CLTC: variants seen among roughly 807,000 people sequenced by gnomAD.
CLTC encodes the protein clathrin heavy chain.
Under a neutral mutation model 195.8 loss-of-function variants are expected in CLTC, and 16 were observed. That is an observed-to-expected ratio of 0.08 (90% CI 0.06 to 0.12). The LOEUF is 0.12. Among genes scored for constraint, CLTC ranks in the 10% least tolerant of loss-of-function variants. The pLI is 1.00. For missense variants in CLTC, 796 were observed against 2,027.0 expected, an observed-to-expected ratio of 0.39 and a Z score of 11.66; for synonymous variants, 667 against 689.4, an observed-to-expected ratio of 0.97 and a Z score of 0.51.
intron 1 of CLTC, among the ~76,000 whole-genome samples, chr17:59,643,618 A>G (rs1567939689): frequency 6.6e-6 from 1 of 152,170 alleles, no homozygotes; most frequent in African/African-American, 2.4e-5. Flanking sequence ...ATAGTGTTAC[A>G]AAAGTACTTG....
chr17:59,668,660 A>G, intron 13 of CLTC, 117 bp from the exon 14 acceptor site: 1 of 829,726 alleles, frequency 1.2e-6, no homozygotes, highest in Non-Finnish European at 1.8e-6. Flanking sequence ...CGCGCTTTTT[A>G]AGCAACCAAC....
rs922513506 is a variant in CLTC at position 59,683,718 on chromosome 17, C to T, written c.4285C>T (p.Arg1429Trp). ...LNDLLMVLSP[R>W]LDHTRAVNYF... ...TGATTTGCTGATGGTGCTGTCTCCA[C>T]GGTTGGATCACACTCGTGCAGTCAA... The change falls in exon 27 of 32, where the codon CGG becomes TGG. Residue 1429 changes from arginine to tryptophan, a missense_variant. Around this residue, in one of 9 missense-constraint regions of CLTC, gnomAD observed 102 missense variants for 317.6 expected, o/e 0.32. Transcript: ENST00000269122. This position sits in a 1 kb window ranked among gnomAD's most constrained non-coding sequence, Gnocchi z 6.1. 1 of 1,614,142 alleles carries T rather than the reference C, an allele frequency of 6.2e-7. No individual in the cohort carries two copies. Among genetic ancestry groups the T allele is most frequent in the Non-Finnish European group, 8.5e-7 (1 of 1,180,024 alleles).
intron 14 of CLTC, 82 bp from the exon 15 acceptor site, chr17:59,673,565 T>C (rs373857051): frequency 2.8e-6 from 3 of 1,056,252 alleles, no homozygotes; most frequent in Admixed American, 2.0e-5. Flanking sequence ...CTTGTTAGCG[T>C]AGAACAAATT....
chr17:59,643,261 G>C (rs2032094947), intron 1 of CLTC, among the ~76,000 whole-genome samples: 2 of 151,676 alleles, frequency 1.3e-5, no homozygotes. Context: ...CCTCCATGTA[G>C]CTTCTTTTAG....
intron 9 of CLTC, chr17:59,664,570 AAAGAAAAG>A (rs1276802308): frequency 4.7e-5 from 20 of 424,112 alleles, no homozygotes; most frequent in Non-Finnish European, 6.1e-5. Flanking sequence ...AAAAAAAAGA[AAAGAAAAG>A]AAAAGAAAAT....
chr17:59,692,538 G>T (rs937097318), intron 31 of CLTC, among the ~76,000 whole-genome samples: 2 of 152,152 alleles, frequency 1.3e-5, no homozygotes, highest in Non-Finnish European at 2.9e-5. Flanking sequence ...TTCTGTATAT[G>T]GCCAACAACT....
At chr17:59,670,786 G>A (rs2032832612) in intron 14 of CLTC, among the ~76,000 whole-genome samples, 1 of 152,110 alleles carries the variant, frequency 6.6e-6, no homozygotes, top group South Asian at 2.1e-4. Context: ...GGATGGTACT[G>A]CCTTAGGTTT....
chr17:59,661,287 C>G (rs2032602939), intron 7 of CLTC, among the ~76,000 whole-genome samples, 156 bp from the exon 8 acceptor site: 1 of 151,946 alleles, frequency 6.6e-6, no homozygotes, highest in Admixed American at 6.6e-5. Flanking sequence ...AACTTCCTAA[C>G]TTGATGTTAA....
chr17:59,653,607 A>G (rs2032386293), intron 5 of CLTC, among the ~76,000 whole-genome samples: 1 of 151,828 alleles, frequency 6.6e-6, no homozygotes, highest in Non-Finnish European at 1.5e-5. Flanking sequence ...GCTGGAAGGC[A>G]GTGCTGTGAT....
At chr17:59,645,608 T>C (rs1488058871) in intron 2 of CLTC, among the ~76,000 whole-genome samples, 1 of 152,236 alleles carries the variant, frequency 6.6e-6, no homozygotes, top group African/African-American at 2.4e-5. Flanking sequence ...GATAAATTTG[T>C]GACTAAGTTA....
chr17:59,670,315 A>G (rs2032820499), intron 14 of CLTC, among the ~76,000 whole-genome samples: 1 of 150,906 alleles, frequency 6.6e-6, no homozygotes, highest in African/African-American at 2.4e-5. Context: ...TTTTAAGTTC[A>G]GGGGTGCGTG....
At chr17:59,677,906 A>C (rs1016279105) in intron 17 of CLTC, among the ~76,000 whole-genome samples, 13 of 152,194 alleles carry the variant, frequency 8.5e-5, no homozygotes, top group African/African-American at 3.1e-4. Context: ...GTATATTCAC[A>C]ATGTTATATA....
chr17:59,672,166 G>C (rs1304097188), intron 14 of CLTC, among the ~76,000 whole-genome samples: 3 of 152,106 alleles, frequency 2.0e-5, no homozygotes, highest in South Asian at 2.1e-4. Context: ...TAAACATTTA[G>C]TAAGTAATTT....
At chr17:59,677,320 A>T in intron 17 of CLTC, 132 bp downstream of exon 17, 1 of 652,226 alleles carries the variant, frequency 1.5e-6, no homozygotes, top group Admixed American at 2.8e-5. Context: ...TTATTTGGAA[A>T]TAATTGTGAA....
At chr17:59,655,125 C>T (rs534192285) in intron 5 of CLTC, among the ~76,000 whole-genome samples, 165 of 152,314 alleles carry the variant, frequency 1.1e-3, no homozygotes, top group African/African-American at 3.7e-3. Context: ...CTATCTTGGC[C>T]TTGGACATGT....
chr17:59,653,535 C>T (rs2032384668), intron 5 of CLTC, among the ~76,000 whole-genome samples: 2 of 151,252 alleles, frequency 1.3e-5, no homozygotes, highest in Admixed American at 6.6e-5. Flanking sequence ...TCCTCTCTCC[C>T]CCTCTTTCTT....
Position 59,683,243 on chromosome 17 carries a change from C to G in CLTC, c.4022C>G (p.Ser1341Cys). Residue 1341 changes from serine (S) to cysteine (C), a missense_variant, in exon 25 of 32, where the codon TCT becomes TGT. This residue lies in a region of CLTC where 102 missense variants were observed against 317.6 expected (regional missense o/e 0.32). Coordinates refer to ENST00000269122, the MANE Select transcript of CLTC (RefSeq NM_004859.4). The surrounding 1 kb of genome is among the most constrained non-coding windows in gnomAD (Gnocchi z 6.1). ...AGGGAGCACCTGGAGCTGTTCTGGT[C>G]TAGAGTGAATATTCCCAAGGTAACC... is the stretch of plus-strand genomic sequence containing the variant. ...KMREHLELFW[S>C]RVNIPKVLRA... 1 of 1,614,000 alleles carries G rather than the reference C, an allele frequency of 6.2e-7. No homozygotes were observed. Among genetic ancestry groups the G allele is most frequent in the Non-Finnish European group, 8.5e-7 (1 of 1,179,954 alleles).
chr17:59,673,002 T>A (rs181519144), intron 14 of CLTC, among the ~76,000 whole-genome samples: 3 of 152,328 alleles, frequency 2.0e-5, no homozygotes, highest in Admixed American at 6.5e-5. Context: ...CTATAACATC[T>A]TCTATGTCAG....
Position 59,693,926 on chromosome 17 carries a change from G to T in CLTC, c.*74G>T. 1 of 1,422,732 alleles carries T rather than the reference G, an allele frequency of 7.0e-7. No homozygotes were observed. 88.1% of individuals were successfully genotyped at this position (1,422,732 alleles called of 1,614,324 possible). ...CTTTACCCACTTCTCAGTTTATAAT[G>T]GGGGAAAACAGGCAACGTGTTCTTG... is the stretch of plus-strand genomic sequence containing the variant. On this transcript the variant is annotated 3_prime_UTR_variant, in exon 32 of 32. Transcript: ENST00000269122.
Sources: gnomAD v4.1 joint callset for allele counts (sites outside exome capture counted in the v4.1 genomes callset) on GRCh38, gnomAD v4.1.1 for gene constraint, gnomAD v4.1.1 regional missense constraint, Gnocchi (gnomAD v3.1) non-coding constraint, MANE v1.5 for transcripts, NCBI Gene and HGNC (gene_info 2026-07-23, HGNC 2026-07-21) for gene names.